MYO16: variants seen among roughly 807,000 people sequenced by gnomAD.
The protein encoded by MYO16 is myosin XVI, also known as unconventional myosin-XVI.
A neutral mutation model predicts 205.3 loss-of-function variants in MYO16; 94 were observed. The observed-to-expected ratio is 0.46, with a 90% CI of 0.39 to 0.54. The LOEUF (loss-of-function observed/expected upper bound fraction) is 0.54, where lower values mean the gene tolerates loss of function less well. MYO16 is among the 20% of genes least tolerant of loss of function. The pLI, the probability that MYO16 is intolerant of heterozygous loss-of-function variation, is 0.00. For missense variants in MYO16, 2,315 were observed against 2,387.5 expected, an observed-to-expected ratio of 0.97 and a Z score of 0.63; for synonymous variants, 988 against 954.0, an observed-to-expected ratio of 1.04 and a Z score of -0.66.
At chr13:108,984,628 G>A (rs554353632) in intron 20 of MYO16, among the ~76,000 whole-genome samples, 2 of 152,174 alleles carry the variant, frequency 1.3e-5, no homozygotes, top group Non-Finnish European at 2.9e-5. Flanking sequence ...TGAATTGCTG[G>A]CCTCTAAACC....
chr13:109,133,266 T>G (rs1462092400), intron 31 of MYO16, among the ~76,000 whole-genome samples: 1 of 152,230 alleles, frequency 6.6e-6, no homozygotes, highest in East Asian at 1.9e-4. Context: ...GTGCTATGTT[T>G]GCTTTCGCTC....
chr13:108,690,010 A>T (rs1359413822), intron 2 of MYO16, among the ~76,000 whole-genome samples: 1 of 152,184 alleles, frequency 6.6e-6, no homozygotes, highest in East Asian at 1.9e-4. Context: ...CTGATGTCCC[A>T]CTACTTTTCC....
At chr13:108,827,640 T>C (rs1285207995) in intron 9 of MYO16, among the ~76,000 whole-genome samples, 1 of 152,206 alleles carries the variant, frequency 6.6e-6, no homozygotes, top group African/African-American at 2.4e-5. Context: ...ACATTCTGTA[T>C]CTGTAAGGAC....
chr13:108,612,931 A>G (rs1464834770), intron 1 of MYO16, among the ~76,000 whole-genome samples: 1 of 152,176 alleles, frequency 6.6e-6, no homozygotes, highest in African/African-American at 2.4e-5. Flanking sequence ...CAGGTTAAGA[A>G]GAAGGGGTTA....
At chr13:109,188,939 C>T (rs1192048781) in intron 34 of MYO16, among the ~76,000 whole-genome samples, 1 of 151,932 alleles carries the variant, frequency 6.6e-6, no homozygotes, top group Non-Finnish European at 1.5e-5. Context: ...ACTAAAAATA[C>T]AAAAGTTAGC....
intron 1 of MYO16, among the ~76,000 whole-genome samples, chr13:108,632,198 G>T (rs1402281297): frequency 6.6e-6 from 1 of 151,072 alleles, no homozygotes; most frequent in African/African-American, 2.4e-5. Flanking sequence ...CCAAATTGTT[G>T]TCTCCCATAT....
At chr13:108,607,278 C>A (rs1878994259) in intron 1 of MYO16, among the ~76,000 whole-genome samples, 2 of 152,094 alleles carry the variant, frequency 1.3e-5, no homozygotes, top group East Asian at 1.9e-4. Context: ...TGGGAGGAGC[C>A]AGGAGTGGAA....
chr13:108,975,452 A>G (rs1566441373), intron 20 of MYO16, among the ~76,000 whole-genome samples: 3 of 152,204 alleles, frequency 2.0e-5, no homozygotes, highest in South Asian at 2.1e-4. Context: ...TAAAGCATAA[A>G]TAGTAGTTTG....
At chr13:109,037,271 A>G (rs1212495590) in intron 23 of MYO16, among the ~76,000 whole-genome samples, 1 of 152,150 alleles carries the variant, frequency 6.6e-6, no homozygotes, top group African/African-American at 2.4e-5. Flanking sequence ...CCCTTCCTGG[A>G]GCTGGAGGCG....
intron 1 of MYO16, among the ~76,000 whole-genome samples, chr13:108,656,787 C>T (rs1047169835): frequency 1.3e-5 from 2 of 152,210 alleles, no homozygotes; most frequent in Admixed American, 1.3e-4. Context: ...TCATACTGAA[C>T]CTTTCACCAG....
intron 4 of MYO16, among the ~76,000 whole-genome samples, chr13:108,728,097 A>C (rs1884401743): frequency 6.6e-6 from 1 of 152,232 alleles, no homozygotes; most frequent in Admixed American, 6.5e-5. Flanking sequence ...ATCCTCACAC[A>C]TACTTTATTT....
chr13:108,731,769 T>G (rs1438100451), intron 4 of MYO16, among the ~76,000 whole-genome samples: 1 of 152,232 alleles, frequency 6.6e-6, no homozygotes, highest in African/African-American at 2.4e-5. Context: ...TGTGTGAACA[T>G]AAGGCCTGCC....
At chr13:109,137,625 T>G (rs1876840922) in intron 31 of MYO16, among the ~76,000 whole-genome samples, 1 of 152,234 alleles carries the variant, frequency 6.6e-6, no homozygotes, top group African/African-American at 2.4e-5. Flanking sequence ...TGTATAGTAC[T>G]GACTTAGAAA....
chr13:108,906,239 C>T (rs923531380), intron 15 of MYO16, among the ~76,000 whole-genome samples: 4 of 152,106 alleles, frequency 2.6e-5, no homozygotes, highest in African/African-American at 7.2e-5. Context: ...CCAGAGTCCC[C>T]CTGAGGAATG....
the MYO16 span, among the ~76,000 whole-genome samples, chr13:108,531,041 C>T: frequency 6.6e-6 from 1 of 152,002 alleles, no homozygotes; most frequent in Non-Finnish European, 1.5e-5. Context: ...TTCAGTCATA[C>T]AAAGATCAGC....
At chr13:109,157,098 C>T (rs1426969365) in intron 32 of MYO16, among the ~76,000 whole-genome samples, 2 of 151,982 alleles carry the variant, frequency 1.3e-5, no homozygotes, top group African/African-American at 4.8e-5. Context: ...CCAGTTCTCC[C>T]GCTCAGTGGG....
At chr13:108,696,376 C>T (rs1566555723) in intron 2 of MYO16, among the ~76,000 whole-genome samples, 1 of 152,132 alleles carries the variant, frequency 6.6e-6, no homozygotes, top group African/African-American at 2.4e-5. Flanking sequence ...GTATGGTATA[C>T]TTATATAATG....
intron 22 of MYO16, 128 bp downstream of exon 22, chr13:109,009,177 TC>T: frequency 2.8e-6 from 2 of 719,876 alleles, no homozygotes; most frequent in East Asian, 6.0e-5. Context: ...CAATAATTTT[TC>T]AAAATGTATT....
intron 14 of MYO16, among the ~76,000 whole-genome samples, chr13:108,889,554 A>G (rs926139083): frequency 6.6e-6 from 1 of 152,220 alleles, no homozygotes. Context: ...GGGAACAGAC[A>G]GGACAGGAAC....
Sources: gnomAD v4.1 joint callset for allele counts (sites outside exome capture counted in the v4.1 genomes callset) on GRCh38, gnomAD v4.1.1 for gene constraint, MANE v1.5 for transcripts, NCBI Gene and HGNC (gene_info 2026-07-23, HGNC 2026-07-21) for gene names.